LILRB1: variants seen among roughly 807,000 people sequenced by gnomAD.
LILRB1 encodes leukocyte immunoglobulin like receptor B1, also known as leukocyte immunoglobulin-like receptor subfamily B member 1.
A neutral mutation model predicts 74.6 loss-of-function variants in LILRB1; 59 were observed. The ratio of observed to expected loss-of-function variants is 0.79; its 90% CI spans 0.64 to 0.98. LILRB1 has a LOEUF of 0.98. LILRB1 is among the 50% of genes least tolerant of loss of function. The pLI, the probability that LILRB1 is intolerant of heterozygous loss-of-function variation, is 0.00. For missense variants in LILRB1, 804 were observed against 822.6 expected (o/e 0.98, Z 0.28); for synonymous variants, 328 against 333.9 (o/e 0.98, Z 0.19).
chr19:54,628,508 T>C (rs921353479), upstream of LILRB1, among the ~76,000 whole-genome samples: 3 of 151,948 alleles, frequency 2.0e-5, no homozygotes, highest in Non-Finnish European at 4.4e-5. Flanking sequence ...CCTCTTTGGG[T>C]TTGATTAATT....
At chr19:54,617,762 G>A (rs1464336345) in intron 1 of LILRB1, among the ~76,000 whole-genome samples, 1 of 151,938 alleles carries the variant, frequency 6.6e-6, no homozygotes, top group Non-Finnish European at 1.5e-5. Flanking sequence ...TGGAAATTTA[G>A]GGTTATTTAG....
At chr19:54,626,564 T>C (rs532340932), upstream of LILRB1, among the ~76,000 whole-genome samples, 2 of 152,232 alleles carry the variant, frequency 1.3e-5, no homozygotes, top group Admixed American at 6.5e-5. Context: ...ATTTAATAGA[T>C]ATTCCACACC....
chr19:54,637,022 T>G lies in LILRB1; in HGVS notation c.*144T>G. 3 of 852,222 alleles carry G rather than the reference T, an allele frequency of 3.5e-6. No individual in the cohort carries two copies. Among genetic ancestry groups the G allele is most frequent in the African/African-American group, 1.7e-5 (1 of 58,576 alleles). The allele number at this position is 852,222 out of a possible 1,614,324, so 52.8% of individuals were successfully genotyped here. A position where few individuals can be genotyped will look rare whatever the true frequency, so the allele number is the denominator to read the frequency against. On this transcript the variant is annotated 3_prime_UTR_variant, in exon 15 of 15. Transcript: ENST00000324602. Reference sequence around the variant, plus strand: ...TTTTAGGGGTCACTCAATTCTGCAGTATAAATAACTAATGTCTCTACAATT... The same window carrying G: ...TTTTAGGGGTCACTCAATTCTGCAGGATAAATAACTAATGTCTCTACAATT...
Position 54,635,155 on chromosome 19 carries a change from C to T in LILRB1, c.1538C>T (p.Pro513Leu), listed in dbSNP as rs765044717. ...CCTGCAGGGGCTGTGGGGCCAGAGC[C>T]CACAGACAGAGGCCTGCAGTGGAGG... ...QHPAGAVGPE[P>L]TDRGLQWRSS... Residue 513 changes from proline (P) to leucine (L), a missense_variant, in exon 11 of 15, where the codon CCC becomes CTC. Transcript: ENST00000324602. 4 of 1,594,848 alleles carry T rather than the reference C, an allele frequency of 2.5e-6. No homozygotes were observed. The Admixed American group carries it at 6.8e-5, about 27-fold the overall frequency.
intron 1 of LILRB1, among the ~76,000 whole-genome samples, chr19:54,619,336 T>A (rs1301983312): frequency 2.0e-5 from 3 of 152,114 alleles, no homozygotes; most frequent in East Asian, 3.9e-4. Context: ...AGACTTTTTT[T>A]AAAAAAAGAA....
intron 1 of LILRB1, among the ~76,000 whole-genome samples, chr19:54,623,823 A>G (rs2063512670): frequency 6.6e-6 from 1 of 152,098 alleles, no homozygotes; most frequent in South Asian, 2.1e-4. Flanking sequence ...ATTTATTTTC[A>G]TTTGGATGGG....
chr19:54,634,466 T>C (rs1440335717), intron 9 of LILRB1, 175 bp from the exon 10 acceptor site: 3 of 1,511,142 alleles, frequency 2.0e-6, no homozygotes, highest in Non-Finnish European at 9.0e-7. Flanking sequence ...GGGCAGGCGA[T>C]TCCCCTCTCT....
At chr19:54,634,485 GT>G (rs1825008746) in intron 9 of LILRB1, 155 bp from the exon 10 acceptor site, 1 of 1,521,228 alleles carries the variant, frequency 6.6e-7, no homozygotes, top group Non-Finnish European at 8.9e-7. Context: ...CTGAGCGTCA[GT>G]TTTTCATCTG....
chr19:54,633,623 C>G lies in LILRB1; in HGVS notation c.1262-15C>G. On this transcript the variant is annotated splice_polypyrimidine_tract_variant and intron_variant, in intron 7 of 14. Coordinates refer to ENST00000324602, the MANE Select transcript of LILRB1 (RefSeq NM_001081637.3). ...AAGCCCCAGCTCCTCAGCCTCCTCTCATTCTTTTACCCAGGACCGTCTGGG... is the reference window on the plus strand; with the variant it reads ...AAGCCCCAGCTCCTCAGCCTCCTCTGATTCTTTTACCCAGGACCGTCTGGG... 1 of 1,611,402 alleles carries G rather than the reference C, an allele frequency of 6.2e-7. No homozygotes were observed. The highest frequency in any genetic ancestry group is 8.5e-7 in the Non-Finnish European group (1 of 1,178,900).
intron 1 of LILRB1, among the ~76,000 whole-genome samples, chr19:54,625,406 G>T (rs899170590): frequency 2.0e-5 from 3 of 152,052 alleles, no homozygotes; most frequent in African/African-American, 7.2e-5. Context: ...GACCCAGGCT[G>T]CTCAGGGATC....
At chr19:54,634,274 G>A (rs2064189370) in intron 9 of LILRB1, 12 of 1,533,314 alleles carry the variant, frequency 7.8e-6, no homozygotes, top group Non-Finnish European at 1.1e-5. Flanking sequence ...GCGGGGGCCT[G>A]TCCCGTCCCA....
intron 1 of LILRB1, among the ~76,000 whole-genome samples, chr19:54,623,039 T>TTGATACAC (rs2063494264): frequency 6.6e-6 from 1 of 152,216 alleles, no homozygotes; most frequent in South Asian, 2.1e-4. Context: ...AATTATGTTT[T>TTGATACAC]TGATACACTG....
At chr19:54,630,387 A>G, upstream of LILRB1, 4 of 318,334 alleles carry the variant, frequency 1.3e-5, no homozygotes, top group Middle Eastern at 1.2e-3. Flanking sequence ...GTAGCAAAAT[A>G]TTTTAAAAAG....
At position 54,632,608 on chromosome 19, in the gene LILRB1, C is replaced by T; in HGVS notation, c.806C>T (p.Ala269Val). ...GGGGAACGTGACTTCCTTCAGCTCG[C>T]TGGCGCACAGCCCCAGGCTGGGCTC... Reference protein sequence around the residue: ...KDGERDFLQLAGAQPQAGLSQ... With the variant: ...KDGERDFLQLVGAQPQAGLSQ... Residue 269 changes from alanine (A) to valine (V), a missense_variant, in exon 6 of 15, where the codon GCT becomes GTT. By Grantham distance (64) the Ala-to-Val change is moderately conservative. Transcript: ENST00000324602. 2 of 1,614,186 alleles carry T rather than the reference C, an allele frequency of 1.2e-6. No homozygotes were observed. Among genetic ancestry groups the T allele is most frequent in the South Asian group, 1.1e-5 (1 of 91,088 alleles).
Position 54,636,958 on chromosome 19 carries a change from C to T in LILRB1, c.*80C>T. On this transcript the variant is annotated 3_prime_UTR_variant, in exon 15 of 15. Transcript: ENST00000324602. ...GCCCCCCCAGTGGACACCATTGGAC[C>T]CCACCCAGCCTGGATCTACCCCAGG... The T allele has an allele frequency of 2.6e-6, 4 of 1,566,720 alleles. No homozygotes were observed. The highest frequency in any genetic ancestry group is 1.7e-6 in the Non-Finnish European group (2 of 1,145,892).
intron 9 of LILRB1, 158 bp downstream of exon 9, chr19:54,634,179 G>A (rs1809777542): frequency 4.6e-6 from 7 of 1,505,694 alleles, no homozygotes; most frequent in Non-Finnish European, 6.2e-6. Context: ...AGGCCTGCGG[G>A]TGGGAAAGTT....
chr19:54,633,188 A>T lies in LILRB1; in HGVS notation c.1131A>T (p.Lys377Asn). Residue 377 changes from lysine (K) to asparagine (N), a missense_variant, in exon 7 of 15, where the codon AAA (lysine) becomes AAT (asparagine). Lys to Asn is a moderately conservative substitution (Grantham distance 94). Transcript: ENST00000324602. ...TAAGATCAACGTACCAATCTCAAAA[A>T]TACCAGGCTGAATTCCCCATGGGTC... ...WRLRSTYQSQ[K>N]YQAEFPMGPV... 7.0e-7 allele frequency: 1 copy of T among 1,437,448 alleles called. No individual in the cohort carries two copies. The highest frequency in any genetic ancestry group is 9.3e-7 in the Non-Finnish European group (1 of 1,071,374). The allele number at this position is 1,437,448 out of a possible 1,614,324, so 89.0% of individuals were successfully genotyped here.
At chr19:54,623,782 T>A (rs551524934) in intron 1 of LILRB1, among the ~76,000 whole-genome samples, 6 of 152,346 alleles carry the variant, frequency 3.9e-5, no homozygotes, top group Non-Finnish European at 5.9e-5. Flanking sequence ...ATTCCTTCTC[T>A]TCTGGAGAGG....
At chr19:54,628,877 C>A (rs771757593), upstream of LILRB1, among the ~76,000 whole-genome samples, 2 of 152,178 alleles carry the variant, frequency 1.3e-5, no homozygotes, top group African/African-American at 2.4e-5. Context: ...AGGTCAGAGG[C>A]CTCCCCTAAG....
Sources: gnomAD v4.1 joint callset for allele counts (sites outside exome capture counted in the v4.1 genomes callset) on GRCh38, gnomAD v4.1.1 for gene constraint, MANE v1.5 for transcripts, NCBI Gene and HGNC (gene_info 2026-07-23, HGNC 2026-07-21) for gene names.